Variants in ZNF385D observed in about 807,000 individuals in gnomAD.
ZNF385D encodes the protein zinc finger protein 385D, also known as zinc finger protein 659.
ZNF385D carries 15 observed loss-of-function variants against 35.8 expected under a neutral mutation model. The ratio of observed to expected loss-of-function variants is 0.42; its 90% CI spans 0.28 to 0.64. The LOEUF is 0.64. Ranked by LOEUF, ZNF385D falls within the 30% of genes least tolerant of loss-of-function variation. The pLI is 0.23. For missense variants in ZNF385D, 474 were observed against 494.6 expected (o/e 0.96, Z 0.39); for synonymous variants, 212 against 186.8 (o/e 1.13, Z -1.10).
intron 3 of ZNF385D, among the ~76,000 whole-genome samples, chr3:21,978,622 TC>T (rs1703792004): frequency 6.6e-6 from 1 of 152,236 alleles, no homozygotes. Flanking sequence ...AGTAAAAATT[TC>T]CATATGTGTT....
At chr3:22,296,324 A>C (rs1702574967) in intron 2 of ZNF385D, among the ~76,000 whole-genome samples, 1 of 152,124 alleles carries the variant, frequency 6.6e-6, no homozygotes, top group South Asian at 2.1e-4. Context: ...GAACAGCTGG[A>C]GGCTGGCATA....
At position 21,491,633 on chromosome 3, in the gene ZNF385D, G is replaced by C. The variant is rs551960512; in HGVS notation, c.439+19228C>G. 3.3e-5 allele frequency among the ~76,000 whole-genome samples: 5 copies of C among 152,234 alleles called. No individual in the cohort carries two copies. The South Asian group carries it at 8.3e-4, about 25-fold the overall frequency. ...GATTTACAAACTATGGCCAAAGTAG[G>C]CTTGCTGCCTGTTTTGGTAAAGAAA... On this transcript the variant is annotated intron_variant, in intron 4 of 7. Coordinates refer to ENST00000281523, the MANE Select transcript of ZNF385D (RefSeq NM_024697.3).
At chr3:22,076,068 G>T (rs1301130241) in intron 3 of ZNF385D, among the ~76,000 whole-genome samples, 1 of 151,814 alleles carries the variant, frequency 6.6e-6, no homozygotes, top group African/African-American at 2.4e-5. Flanking sequence ...CTAAACTACT[G>T]TAATTTTTTT....
chr3:21,640,694 T>C (rs2065578735), intron 2 of ZNF385D, among the ~76,000 whole-genome samples: 1 of 152,114 alleles, frequency 6.6e-6, no homozygotes, highest in African/African-American at 2.4e-5. Flanking sequence ...CCTCCAGAAC[T>C]GTGATAAATG....
intron 4 of ZNF385D, among the ~76,000 whole-genome samples, chr3:21,439,116 C>A (rs1353607808): frequency 6.6e-6 from 1 of 151,870 alleles, no homozygotes; most frequent in Non-Finnish European, 1.5e-5. Context: ...ACTGTACATA[C>A]TTATAAAATA....
rs555187663 is a variant in ZNF385D, at chr3:21,903,991, A to T, written c.326-238963T>A. On this transcript the variant is annotated intron_variant, in intron 3 of 5. Transcript: ENST00000494108. ...TGACTTTTCAAAGGTTTGCATCCCC[A>T]TATGTGTATACAATTTATTATTATA... Among the ~76,000 whole-genome samples the T allele has an allele frequency of 7.0e-4, 107 of 152,228 alleles. 1 individual carries two copies. Among genetic ancestry groups the T allele is most frequent in the Non-Finnish European group, 7.1e-4 (48 of 68,008 alleles).
chr3:22,072,497 C>T (rs1411669122), intron 3 of ZNF385D, among the ~76,000 whole-genome samples: 2 of 151,940 alleles, frequency 1.3e-5, no homozygotes, highest in Non-Finnish European at 2.9e-5. Context: ...AGAGCTGGTA[C>T]TGAAAGAAGT....
rs543902925 is a variant in ZNF385D, at chr3:21,781,190, A to T, written c.326-116162T>A. 6.6e-5 allele frequency among the ~76,000 whole-genome samples: 10 copies of T among 150,684 alleles called. 1 individual carries two copies. In the South Asian group the frequency reaches 1.9e-3, roughly 29 times the overall value. ...AAGTATAAGACAAATGTAAATCTGG[A>T]AAAAGTATCTCTTTATTTCAAAGCG... On this transcript the variant is annotated intron_variant, in intron 3 of 5. Transcript: ENST00000494108.
At chr3:21,680,219 A>C (rs894819295) in intron 1 of ZNF385D, among the ~76,000 whole-genome samples, 1 of 151,986 alleles carries the variant, frequency 6.6e-6, no homozygotes, top group Non-Finnish European at 1.5e-5. Flanking sequence ...ACAAACATTC[A>C]TTCAATATTT....
At chr3:21,472,446 G>A (rs986752031) in intron 4 of ZNF385D, among the ~76,000 whole-genome samples, 4 of 152,118 alleles carry the variant, frequency 2.6e-5, no homozygotes, top group Admixed American at 6.5e-5. Context: ...ATCATCAGCC[G>A]TAAATGGCTA....
At chr3:22,305,878 A>T (rs1358498970) in intron 2 of ZNF385D, among the ~76,000 whole-genome samples, 2 of 152,192 alleles carry the variant, frequency 1.3e-5, no homozygotes, top group African/African-American at 4.8e-5. Context: ...TTTGGTCTTA[A>T]ACTAGAGGGA....
chr3:22,173,179 G>A (rs1019101590), intron 2 of ZNF385D, among the ~76,000 whole-genome samples: 2 of 152,312 alleles, frequency 1.3e-5, no homozygotes, highest in South Asian at 4.1e-4. Context: ...ACTAGGGGAA[G>A]TCTGAGAAAT....
At position 22,143,088 on chromosome 3, in the gene ZNF385D, T is replaced by C. The variant is rs974375238; in HGVS notation, c.325+25729A>G. ...GTGTGTGTGTGTGTGTGTGTGTGTG[T>C]GTGTGTGTGTGTGTGACGGAGTCTC... On this transcript the variant is annotated intron_variant, in intron 3 of 5. Coordinates refer to the ZNF385D transcript ENST00000494108. Among the ~76,000 whole-genome samples the C allele has an allele frequency of 1.7e-3, 252 of 150,258 alleles. 3 individuals carry two copies. Among genetic ancestry groups the C allele is most frequent in the Non-Finnish European group, 3.1e-3 (212 of 67,540 alleles).
intron 3 of ZNF385D, among the ~76,000 whole-genome samples, chr3:21,790,548 T>C (rs773822077): frequency 3.3e-5 from 5 of 152,184 alleles, no homozygotes; most frequent in Admixed American, 3.3e-4. Flanking sequence ...GAAGAAAATG[T>C]CATTCCTTTA....
intron 3 of ZNF385D, among the ~76,000 whole-genome samples, chr3:22,166,778 C>G (rs1380465520): frequency 2.0e-5 from 3 of 152,150 alleles, no homozygotes; most frequent in Non-Finnish European, 4.4e-5. Context: ...CAAGATGTAT[C>G]TTTTGTTCTA....
At chr3:22,114,271 T>G (rs941151540) in intron 3 of ZNF385D, among the ~76,000 whole-genome samples, 1 of 152,070 alleles carries the variant, frequency 6.6e-6, no homozygotes, top group Non-Finnish European at 1.5e-5. Context: ...TGGTGAAATA[T>G]AAATGATTCT....
At chr3:22,118,642 T>C (rs1433541926) in intron 3 of ZNF385D, among the ~76,000 whole-genome samples, 1 of 152,032 alleles carries the variant, frequency 6.6e-6, no homozygotes, top group Non-Finnish European at 1.5e-5. Flanking sequence ...AATTCATTCA[T>C]GTTGGTGTGG....
intron 1 of ZNF385D, among the ~76,000 whole-genome samples, chr3:21,680,893 C>A (rs1014835624): frequency 2.0e-5 from 3 of 152,132 alleles, no homozygotes; most frequent in African/African-American, 7.2e-5. Flanking sequence ...TTCTTCTCTA[C>A]CCTTGTAGGC....
At chr3:21,583,891 T>C (rs1319791087) in intron 2 of ZNF385D, among the ~76,000 whole-genome samples, 2 of 150,830 alleles carry the variant, frequency 1.3e-5, no homozygotes, top group African/African-American at 2.4e-5. Flanking sequence ...TTTTTTCTTT[T>C]CTTCTTCAGT....
Sources: gnomAD v4.1 joint callset for allele counts (sites outside exome capture counted in the v4.1 genomes callset) on GRCh38, gnomAD v4.1.1 for gene constraint, MANE v1.5 for transcripts, NCBI Gene and HGNC (gene_info 2026-07-23, HGNC 2026-07-21) for gene names.